Variants in POU2F1 observed in about 807,000 individuals in gnomAD.
POU2F1 encodes POU domain, class 2, transcription factor 1.
A neutral mutation model predicts 84.9 loss-of-function variants in POU2F1; 16 were observed. That is an observed-to-expected ratio of 0.19 (90% confidence interval 0.13 to 0.29). The LOEUF (loss-of-function observed/expected upper bound fraction) is 0.29. Among genes scored for constraint, POU2F1 ranks in the 10% least tolerant of loss-of-function variants. POU2F1 has a pLI of 1.00. For synonymous variants in POU2F1, 368 were observed against 368.3 expected (o/e 1.00, Z 0.01); for missense variants, 738 against 942.6 (o/e 0.78, Z 2.84).
At chr1:167,359,812 G>GT (rs34385360) in intron 2 of POU2F1, among the ~76,000 whole-genome samples, 7,593 of 132,594 alleles carry the variant, frequency 0.057, 399 homozygotes, top group African/African-American at 0.15. Context: ...TGTGTACGTG[G>GT]TTTTTTTTTT....
At chr1:167,321,682 A>AT (rs886537227) in intron 1 of POU2F1, among the ~76,000 whole-genome samples, 2 of 152,322 alleles carry the variant, frequency 1.3e-5, no homozygotes, top group African/African-American at 4.8e-5. Context: ...CATTTTAAAC[A>AT]TATAGGTTCT....
intron 1 of POU2F1, among the ~76,000 whole-genome samples, chr1:167,252,913 G>A (rs367971226): frequency 1.7e-3 from 256 of 152,294 alleles, no homozygotes; most frequent in African/African-American, 5.9e-3. Context: ...TATGCCCAAA[G>A]ACTGTGCTGA....
chr1:167,384,033 A>G, intron 8 of POU2F1, 82 bp downstream of exon 8: 1 of 1,160,430 alleles, frequency 8.6e-7, no homozygotes, highest in Non-Finnish European at 1.2e-6. Flanking sequence ...TTTTTTTTTA[A>G]ATCTAATAAA....
At chr1:167,279,226 G>T (rs149973207) in intron 1 of POU2F1, among the ~76,000 whole-genome samples, 1 of 152,218 alleles carries the variant, frequency 6.6e-6, no homozygotes, top group African/African-American at 2.4e-5. Context: ...GAATAAAAAA[G>T]GTTTAATTAA....
chr1:167,292,441 A>G (rs555965561), intron 1 of POU2F1, among the ~76,000 whole-genome samples: 1 of 152,006 alleles, frequency 6.6e-6, no homozygotes, highest in East Asian at 1.9e-4. Context: ...TGCCATCATT[A>G]AACCCTGAAC....
Position 167,416,953 on chromosome 1 carries a change from G to T in POU2F1, c.*1143G>T, listed in dbSNP as rs781701533. 27 of 152,008 alleles carry T rather than the reference G, an allele frequency of 1.8e-4. No homozygotes were observed. The highest frequency in any genetic ancestry group is 3.7e-4 in the Non-Finnish European group (25 of 67,994). 9.4% of individuals were successfully genotyped at this position (152,008 alleles called of 1,614,324 possible). ...CTGCTGTTGGTGTGTTTGTTTGTTT[G>T]TTCCATTTTGTGGAAGTTTTTCATC... On this transcript the variant is annotated 3_prime_UTR_variant, in exon 16 of 16. Coordinates refer to ENST00000367866, the MANE Select transcript of POU2F1 (RefSeq NM_002697.4).
intron 9 of POU2F1, among the ~76,000 whole-genome samples, chr1:167,394,882 A>G (rs896243666): frequency 5.3e-5 from 8 of 152,230 alleles, no homozygotes; most frequent in African/African-American, 1.4e-4. Context: ...TGTAGTATTC[A>G]ATGTGCTAAT....
chr1:167,226,161 A>G (rs1359868337), intron 1 of POU2F1, among the ~76,000 whole-genome samples: 1 of 152,232 alleles, frequency 6.6e-6, no homozygotes, highest in African/African-American at 2.4e-5. Flanking sequence ...GAGCAAATGT[A>G]CTTACTATTT....
intron 1 of POU2F1, among the ~76,000 whole-genome samples, chr1:167,306,137 A>G (rs1306717546): frequency 6.6e-6 from 1 of 152,218 alleles, no homozygotes; most frequent in African/African-American, 2.4e-5. Context: ...TCTCTGAATC[A>G]TAACTACCTG....
chr1:167,290,689 A>C (rs758391942), intron 1 of POU2F1, among the ~76,000 whole-genome samples: 28 of 152,208 alleles, frequency 1.8e-4, no homozygotes, highest in Non-Finnish European at 3.2e-4. Flanking sequence ...ATTATCTTTA[A>C]GAGTAGTTAC....
At chr1:167,284,873 A>AT (rs1338643744) in intron 1 of POU2F1, among the ~76,000 whole-genome samples, 1 of 152,182 alleles carries the variant, frequency 6.6e-6, no homozygotes, top group Non-Finnish European at 1.5e-5. Context: ...TGTTTGTTGA[A>AT]TTGAATTGAA....
At position 167,416,087 on chromosome 1, in the gene POU2F1, T is replaced by TAAAAAAAAAAAAAAAAAACAAAAAAAAAA; in HGVS notation, c.*295_*296insCAAAAAAAAAAAAAAAAAAAAAAAAAAAA. ...ATTGGAGAACTTTCTAACCAAAAATTAAAAAAAAAAAAAAAAAAAGAAACA... is the reference window on the plus strand; with the variant it reads ...ATTGGAGAACTTTCTAACCAAAAATTAAAAAAAAAAAAAAAAAACAAAAAAAAAAAAAAAAAAAAAAAAAAAAAGAAACA... On this transcript the variant is annotated 3_prime_UTR_variant, in exon 16 of 16. Transcript: ENST00000367866. 1 of 351,044 alleles carries TAAAAAAAAAAAAAAAAAACAAAAAAAAAA rather than the reference T, an allele frequency of 2.8e-6. No individual in the cohort carries two copies. Among genetic ancestry groups the TAAAAAAAAAAAAAAAAAACAAAAAAAAAA allele is most frequent in the Non-Finnish European group, 5.2e-6 (1 of 192,874 alleles). 21.7% of individuals were successfully genotyped at this position (351,044 alleles called of 1,614,324 possible). A position where few individuals can be genotyped will look rare whatever the true frequency, so the allele number is the denominator to read the frequency against.
At chr1:167,317,012 C>T (rs1655953691) in intron 1 of POU2F1, among the ~76,000 whole-genome samples, 1 of 152,170 alleles carries the variant, frequency 6.6e-6, no homozygotes, top group African/African-American at 2.4e-5. Flanking sequence ...GTGCCTCAGC[C>T]TCCTCAGTAG....
chr1:167,282,135 AT>A (rs951745497), intron 1 of POU2F1, among the ~76,000 whole-genome samples: 5 of 149,818 alleles, frequency 3.3e-5, no homozygotes, highest in African/African-American at 1.2e-4. Context: ...AAACAAAAGA[AT>A]TTTTTTTCTT....
At chr1:167,335,593 G>A (rs1657393192) in intron 2 of POU2F1, among the ~76,000 whole-genome samples, 1 of 152,132 alleles carries the variant, frequency 6.6e-6, no homozygotes, top group East Asian at 1.9e-4. Context: ...AAGCAAAACT[G>A]AGCAATCATT....
At chr1:167,319,261 A>T (rs1656142393) in intron 1 of POU2F1, among the ~76,000 whole-genome samples, 1 of 152,072 alleles carries the variant, frequency 6.6e-6, no homozygotes, top group Non-Finnish European at 1.5e-5. Flanking sequence ...CATAACCTCT[A>T]CCCCAACTTA....
chr1:167,371,613 T>C (rs1660002531), intron 4 of POU2F1, among the ~76,000 whole-genome samples: 2 of 152,226 alleles, frequency 1.3e-5, no homozygotes, highest in African/African-American at 4.8e-5. Flanking sequence ...ATTGAAAATA[T>C]ATTCTTCCCT....
At chr1:167,223,495 G>A (rs1038580404) in intron 1 of POU2F1, among the ~76,000 whole-genome samples, 1 of 152,066 alleles carries the variant, frequency 6.6e-6, no homozygotes, top group Non-Finnish European at 1.5e-5. Flanking sequence ...TTACCGCTGC[G>A]TAGTCGAGGG....
At chr1:167,391,891 C>T (rs2101897704) in intron 9 of POU2F1, among the ~76,000 whole-genome samples, 1 of 152,054 alleles carries the variant, frequency 6.6e-6, no homozygotes, top group African/African-American at 2.4e-5. Context: ...TTCATTTTTG[C>T]TCAAAGAAAT....
Sources: gnomAD v4.1 joint callset for allele counts (sites outside exome capture counted in the v4.1 genomes callset) on GRCh38, gnomAD v4.1.1 for gene constraint, MANE v1.5 for transcripts, NCBI Gene and HGNC (gene_info 2026-07-23, HGNC 2026-07-21) for gene names.